Variants in ALKBH5 observed in about 807,000 individuals in gnomAD.
The protein encoded by ALKBH5 is RNA demethylase ALKBH5.
A neutral mutation model predicts 32.1 loss-of-function variants in ALKBH5; 2 were observed. That is an observed-to-expected ratio of 0.06 (90% CI 0.03 to 0.20). The LOEUF (loss-of-function observed/expected upper bound fraction) is 0.20, where lower values mean the gene tolerates loss of function less well. Among genes scored for constraint, ALKBH5 ranks in the 10% least tolerant of loss-of-function variants. ALKBH5 has a pLI of 1.00. For missense variants in ALKBH5, 352 were observed against 559.5 expected (o/e 0.63, Z 3.74); for synonymous variants, 300 against 231.7 (o/e 1.29, Z -2.68).
chr17:18,200,250 G>C (rs954148161), intron 2 of ALKBH5, among the ~76,000 whole-genome samples: 2 of 152,000 alleles, frequency 1.3e-5, no homozygotes, highest in African/African-American at 2.4e-5. Flanking sequence ...GGAAATATAG[G>C]GGACTTCTGT....
intron 2 of ALKBH5, among the ~76,000 whole-genome samples, chr17:18,200,299 C>T (rs1367467032): frequency 6.6e-6 from 1 of 151,892 alleles, no homozygotes; most frequent in Non-Finnish European, 1.5e-5. Flanking sequence ...CTTAGGTCAA[C>T]ATTTGATTCT....
chr17:18,184,603 C>T lies in ALKBH5; in HGVS notation c.360C>T (p.Asn120=). The T allele has an allele frequency of 6.2e-7, 1 of 1,613,340 alleles. No homozygotes were observed. Residue 120 remains asparagine (N), a synonymous_variant, in exon 1 of 4, where the codon AAC becomes AAT. Transcript: ENST00000399138. The part of the protein sequence containing the change: ...VVSRAEKGLY[N]EHTVDRAPLR... ...CCCGCGCTGAGAAGGGCCTGTACAACGAGCACACGGTGGACCGGGCCCCAC... is the reference window on the plus strand; with the variant it reads ...CCCGCGCTGAGAAGGGCCTGTACAATGAGCACACGGTGGACCGGGCCCCAC...
At position 18,184,813 on chromosome 17, in the gene ALKBH5, C is replaced by T. The variant is rs534578100; in HGVS notation, c.570C>T (p.Ala190=). The T allele has an allele frequency of 1.8e-4, 294 of 1,614,114 alleles. No homozygotes were observed. Among genetic ancestry groups the T allele is most frequent in the Middle Eastern group, 1.2e-3 (7 of 6,062 alleles). The change falls in exon 1 of 4, where the codon GCC becomes GCT. Residue 190 remains alanine, a synonymous_variant. Coordinates refer to ENST00000399138, the MANE Select transcript of ALKBH5 (RefSeq NM_017758.4). ...TCCCCGAGGGCTTCGTCAACAGCGC[C>T]GTCATCAACGACTACCAGCCCGGCG... ...RVIPEGFVNS[A]VINDYQPGGC... is the part of the protein sequence containing the mutation.
Position 18,209,724 on chromosome 17 carries a change from A to G in ALKBH5, c.*1328A>G, listed in dbSNP as rs2047293638. 1 of 152,480 alleles carries G rather than the reference A, an allele frequency of 6.6e-6. No individual in the cohort carries two copies. Among genetic ancestry groups the G allele is most frequent in the Non-Finnish European group, 1.5e-5 (1 of 68,038 alleles). The allele number at this position is 152,480 out of a possible 1,614,324, so 9.4% of individuals were successfully genotyped here. ...CTTTGTGTACAGAGGTCCGGGTCTG[A>G]GACCTCATAGGCTGCAGAAATCTGG... On this transcript the variant is annotated 3_prime_UTR_variant, in exon 4 of 4. Coordinates refer to ENST00000399138, the MANE Select transcript of ALKBH5 (RefSeq NM_017758.4).
At chr17:18,193,413 G>C (rs1260492553) in intron 1 of ALKBH5, among the ~76,000 whole-genome samples, 1 of 151,976 alleles carries the variant, frequency 6.6e-6, no homozygotes, top group Admixed American at 6.5e-5. Context: ...CAGGCGTGGT[G>C]GGGTGCGCCT....
At chr17:18,196,542 G>C (rs758832891) in intron 2 of ALKBH5, among the ~76,000 whole-genome samples, 1 of 152,122 alleles carries the variant, frequency 6.6e-6, no homozygotes, top group East Asian at 1.9e-4. Context: ...TGATGATATT[G>C]ACTGGTTAGG....
intron 1 of ALKBH5, among the ~76,000 whole-genome samples, chr17:18,189,780 A>G (rs1477995409): frequency 6.6e-6 from 1 of 152,224 alleles, no homozygotes; most frequent in South Asian, 2.1e-4. Flanking sequence ...CATCTATTGA[A>G]TGCTTGAAAT....
Position 18,184,336 on chromosome 17 carries a change from C to T in ALKBH5, c.93C>T (p.Ala31=), listed in dbSNP as rs1407304620. Residue 31 remains alanine, a synonymous_variant, in exon 1 of 4, where the codon GCC becomes GCT. Transcript: ENST00000399138. ...DNYKAGSREA[A]AAAAAAVAAA... is the part of the protein sequence containing the mutation. ...ATAAGGCGGGCAGCCGGGAGGCCGC[C>T]GCCGCTGCCGCAGCCGCCGTAGCCG... The T allele has an allele frequency of 7.3e-6, 11 of 1,509,900 alleles. No homozygotes were observed. Among genetic ancestry groups the T allele is most frequent in the African/African-American group, 4.3e-5 (3 of 69,460 alleles). 93.5% of individuals were successfully genotyped at this position (1,509,900 alleles called of 1,614,324 possible).
chr17:18,200,937 C>T (rs2047232809), intron 2 of ALKBH5, among the ~76,000 whole-genome samples: 1 of 152,188 alleles, frequency 6.6e-6, no homozygotes. Flanking sequence ...GGCATGTGAG[C>T]AGTGGGGTGA....
intron 3 of ALKBH5, 50 bp from the exon 4 acceptor site, chr17:18,208,169 G>A (rs746896549): frequency 1.7e-5 from 26 of 1,553,152 alleles, no homozygotes; most frequent in Non-Finnish European, 8.7e-7. Flanking sequence ...GTAAAGCCAG[G>A]CGCCTCCTGC....
At chr17:18,206,695 A>G in intron 2 of ALKBH5, 120 bp from the exon 3 acceptor site, 2 of 1,094,062 alleles carry the variant, frequency 1.8e-6, no homozygotes, top group Non-Finnish European at 1.3e-6. Flanking sequence ...GGTACAGAGC[A>G]GAGACTGCTG....
intron 2 of ALKBH5, among the ~76,000 whole-genome samples, chr17:18,204,811 C>T (rs2047260404): frequency 6.6e-6 from 1 of 151,980 alleles, no homozygotes; most frequent in African/African-American, 2.4e-5. Context: ...TACCTGTAAT[C>T]TCAACACTTT....
chr17:18,196,411 G>T (rs2047204834), intron 2 of ALKBH5, among the ~76,000 whole-genome samples: 1 of 152,044 alleles, frequency 6.6e-6, no homozygotes, highest in Admixed American at 6.6e-5. Flanking sequence ...GTACAGATGG[G>T]GTTTCCCCCA....
At chr17:18,189,754 A>G (rs1038715002) in intron 1 of ALKBH5, among the ~76,000 whole-genome samples, 1 of 152,210 alleles carries the variant, frequency 6.6e-6, no homozygotes, top group Non-Finnish European at 1.5e-5. Context: ...GTTGTTATAG[A>G]AAGTTGAATC....
At chr17:18,192,894 C>G (rs558991542) in intron 1 of ALKBH5, among the ~76,000 whole-genome samples, 3 of 131,008 alleles carry the variant, frequency 2.3e-5, no homozygotes, top group African/African-American at 6.2e-5. Context: ...GAGTCTCACT[C>G]TGTCACCCAG....
intron 1 of ALKBH5, among the ~76,000 whole-genome samples, chr17:18,191,949 TAAA>T (rs553466001): frequency 7.1e-6 from 1 of 140,746 alleles, no homozygotes; most frequent in Non-Finnish European, 1.5e-5. Flanking sequence ...ACTCTGTCTT[TAAA>T]AAAAAAAAAA....
intron 1 of ALKBH5, among the ~76,000 whole-genome samples, chr17:18,187,551 C>T (rs1195426502): frequency 6.6e-6 from 1 of 152,204 alleles, no homozygotes; most frequent in Non-Finnish European, 1.5e-5. Flanking sequence ...TGTCCAGACA[C>T]TGCCAAATGC....
In ALKBH5 at chr17:18,209,783, C is replaced by CT. The variant is rs2047294018; in HGVS notation, c.*1387_*1388insT. The CT allele has an allele frequency of 6.6e-6, 1 of 152,600 alleles. No individual in the cohort carries two copies. The allele number at this position is 152,600 out of a possible 1,614,324, so 9.5% of individuals were successfully genotyped here. A position where few individuals can be genotyped will look rare whatever the true frequency, so the allele number is the denominator to read the frequency against. The stretch of plus-strand genomic sequence containing the variant: ...CCATCAAGAAGCCCCTCTCAGGGGC[C>CT]AGAACTCCTTTGCCAGCGTGGATTT... On this transcript the variant is annotated 3_prime_UTR_variant, in exon 4 of 4. Coordinates refer to ENST00000399138, the MANE Select transcript of ALKBH5 (RefSeq NM_017758.4).
At chr17:18,195,158 T>C in intron 2 of ALKBH5, 123 bp downstream of exon 2, 1 of 697,536 alleles carries the variant, frequency 1.4e-6, no homozygotes, top group Non-Finnish European at 2.4e-6. Context: ...AGCAGAACTG[T>C]TAAGTTCTCT....
Sources: allele counts gnomAD v4.1 joint callset (sites outside exome capture counted in the v4.1 genomes callset), GRCh38; gene constraint gnomAD v4.1.1; transcripts MANE v1.5; gene names NCBI Gene and HGNC (gene_info 2026-07-23, HGNC 2026-07-21).